The following TAFA4 variants were observed in gnomAD, a reference collection of about 807,000 sequenced individuals.
TAFA4 encodes the protein chemokine-like protein TAFA-4.
A neutral mutation model predicts 21.1 loss-of-function variants in TAFA4; 20 were observed. The observed-to-expected ratio is 0.95, with a 90% CI of 0.67 to 1.38. The LOEUF (loss-of-function observed/expected upper bound fraction) is 1.38. Ranked by LOEUF, TAFA4 falls within the 40% of genes most tolerant of loss-of-function variation. The pLI is 0.00. For missense variants in TAFA4, 211 were observed against 180.9 expected (o/e 1.17, Z -0.95); for synonymous variants, 71 against 67.4 (o/e 1.05, Z -0.26).
intron 2 of TAFA4, among the ~76,000 whole-genome samples, 155 bp downstream of exon 2, chr3:68,885,020 A>C (rs2089656423): frequency 6.6e-6 from 1 of 152,236 alleles, no homozygotes; most frequent in East Asian, 1.9e-4. Flanking sequence ...TCACAGATGA[A>C]AGCTAAAATG....
chr3:68,794,571 C>T (rs1703421112), intron 3 of TAFA4, among the ~76,000 whole-genome samples: 1 of 152,162 alleles, frequency 6.6e-6, no homozygotes, highest in Non-Finnish European at 1.5e-5. Context: ...TTTTCTGTGA[C>T]TCCCTCTTTT....
At chr3:68,912,629 T>A (rs534113465) in intron 1 of TAFA4, among the ~76,000 whole-genome samples, 150 of 152,320 alleles carry the variant, frequency 9.8e-4, no homozygotes, top group Non-Finnish European at 1.7e-3. Flanking sequence ...CAAAGAGAAT[T>A]AATAACGGGC....
chr3:68,908,682 G>C (rs1201569903), intron 1 of TAFA4, among the ~76,000 whole-genome samples: 2 of 152,198 alleles, frequency 1.3e-5, no homozygotes, highest in Non-Finnish European at 1.5e-5. Flanking sequence ...ACTGCACATA[G>C]AATGTCTTGA....
intron 1 of TAFA4, among the ~76,000 whole-genome samples, chr3:68,907,774 G>C (rs548042672): frequency 1.3e-5 from 2 of 152,150 alleles, no homozygotes; most frequent in African/African-American, 4.8e-5. Flanking sequence ...CCACAACATC[G>C]ATGGTAAACT....
chr3:68,789,595 C>A (rs1480957722), intron 3 of TAFA4, among the ~76,000 whole-genome samples: 2 of 152,034 alleles, frequency 1.3e-5, no homozygotes, highest in African/African-American at 4.8e-5. Flanking sequence ...ACATCTCTGA[C>A]CCCAGCTTTA....
intron 1 of TAFA4, among the ~76,000 whole-genome samples, chr3:68,910,514 A>G (rs1379410734): frequency 6.6e-6 from 1 of 152,264 alleles, no homozygotes; most frequent in African/African-American, 2.4e-5. Flanking sequence ...GAGGCTTAAG[A>G]TTAAAAGAGA....
intron 3 of TAFA4, among the ~76,000 whole-genome samples, chr3:68,875,929 AG>A (rs1322915857): frequency 1.4e-5 from 2 of 147,606 alleles, no homozygotes; most frequent in East Asian, 2.0e-4. Context: ...AAAAAAAAAA[AG>A]AGAGAGAGAA....
At chr3:68,903,882 C>T (rs943563465) in intron 1 of TAFA4, among the ~76,000 whole-genome samples, 4 of 152,096 alleles carry the variant, frequency 2.6e-5, no homozygotes, top group East Asian at 1.9e-4. Flanking sequence ...ACCTTTGATG[C>T]GCAATATCAC....
At chr3:68,820,353 T>A (rs1414934843) in intron 3 of TAFA4, among the ~76,000 whole-genome samples, 1 of 152,186 alleles carries the variant, frequency 6.6e-6, no homozygotes, top group East Asian at 1.9e-4. Context: ...CACATCATGG[T>A]GGCTACAGTT....
chr3:68,913,723 A>T (rs965429627), intron 1 of TAFA4: 4 of 151,636 alleles, frequency 2.6e-5, no homozygotes, highest in African/African-American at 9.8e-5. Flanking sequence ...TGGAGAAATT[A>T]TCTGTTACTA....
At chr3:68,763,677 C>T (rs1038014148) in intron 3 of TAFA4, among the ~76,000 whole-genome samples, 30 of 152,130 alleles carry the variant, frequency 2.0e-4, no homozygotes, top group Admixed American at 1.0e-3. Flanking sequence ...ACTCAAAACA[C>T]TACCTTTTCT....
rs555747367 is a variant in TAFA4 at position 68,804,913 on chromosome 3, C to A, written c.131-51895G>T. Among the ~76,000 whole-genome samples, 71 of 152,102 alleles carry A rather than the reference C, an allele frequency of 4.7e-4. 1 individual carries two copies. The East Asian group carries it at 9.5e-3, about 20-fold the overall frequency. On this transcript the variant is annotated intron_variant, in intron 3 of 5. Coordinates refer to ENST00000295569, the MANE Select transcript of TAFA4 (RefSeq NM_182522.5). Reference sequence around the variant, plus strand: ...CATGGGCAAGGACTTCATGTCTAAACCACCAAAAGCAATGGCAACAAAAGC... The same window carrying A: ...CATGGGCAAGGACTTCATGTCTAAAACACCAAAAGCAATGGCAACAAAAGC...
chr3:68,870,577 T>C (rs2089470483), intron 3 of TAFA4, among the ~76,000 whole-genome samples: 1 of 151,992 alleles, frequency 6.6e-6, no homozygotes, highest in Non-Finnish European at 1.5e-5. Flanking sequence ...ATTTTTTTAA[T>C]TTTTATTTTA....
At chr3:68,853,423 T>C (rs1317308356) in intron 3 of TAFA4, among the ~76,000 whole-genome samples, 1 of 152,148 alleles carries the variant, frequency 6.6e-6, no homozygotes, top group Non-Finnish European at 1.5e-5. Flanking sequence ...TTCCCCGAAA[T>C]GCCTACCTTT....
intron 3 of TAFA4, among the ~76,000 whole-genome samples, chr3:68,863,959 A>C (rs190313090): frequency 1.3e-5 from 2 of 152,158 alleles, no homozygotes; most frequent in African/African-American, 4.8e-5. Flanking sequence ...ATTAACTCAA[A>C]ATGGATCACA....
At chr3:68,906,724 T>C (rs547094504) in intron 1 of TAFA4, among the ~76,000 whole-genome samples, 10 of 152,186 alleles carry the variant, frequency 6.6e-5, no homozygotes, top group Middle Eastern at 3.4e-3. Flanking sequence ...ACCCTTTATC[T>C]TGTACAGAAC....
chr3:68,786,553 T>C (rs1279207959), intron 3 of TAFA4, among the ~76,000 whole-genome samples: 1 of 152,254 alleles, frequency 6.6e-6, no homozygotes, highest in Non-Finnish European at 1.5e-5. Flanking sequence ...ATACACTTTC[T>C]ACTGTTTGAA....
rs532704345 is a variant in TAFA4 at position 68,836,067 on chromosome 3, T to C, written c.130+44663A>G. 2.6e-5 allele frequency among the ~76,000 whole-genome samples: 4 copies of C among 152,346 alleles called. No homozygotes were observed. The East Asian group carries it at 7.7e-4, about 29-fold the overall frequency. ...AGATCTGTGGATTTCAGTTTTTCAA[T>C]CTCATGAAGTATTCTAAAATGAGAA... On this transcript the variant is annotated intron_variant, in intron 3 of 5. Coordinates refer to ENST00000295569, the MANE Select transcript of TAFA4 (RefSeq NM_182522.5).
At chr3:68,831,240 C>T (rs1704382976) in intron 3 of TAFA4, among the ~76,000 whole-genome samples, 1 of 152,156 alleles carries the variant, frequency 6.6e-6, no homozygotes, top group Non-Finnish European at 1.5e-5. Flanking sequence ...ATGATGCTAG[C>T]TGGTAATTTC....
Sources: allele counts gnomAD v4.1 joint callset (sites outside exome capture counted in the v4.1 genomes callset), GRCh38; gene constraint gnomAD v4.1.1; transcripts MANE v1.5; gene names NCBI Gene and HGNC (gene_info 2026-07-23, HGNC 2026-07-21).